RSPH6A: variants seen among roughly 807,000 people sequenced by gnomAD.
RSPH6A encodes radial spoke head protein 6 homolog A.
RSPH6A carries 49 observed loss-of-function variants against 66.1 expected under a neutral mutation model. That is an observed-to-expected ratio of 0.74 (90% CI 0.59 to 0.94). The LOEUF is 0.94. Among genes scored for constraint, RSPH6A ranks in the 40% least tolerant of loss-of-function variants. The probability of loss-of-function intolerance (pLI) is 0.00; values close to 1 mark genes in which losing one functional copy is unlikely to be tolerated. For missense variants in RSPH6A, 977 were observed against 948.3 expected, an observed-to-expected ratio of 1.03 and a Z score of -0.40; for synonymous variants, 419 against 402.4, an observed-to-expected ratio of 1.04 and a Z score of -0.49.
rs778674554 is a variant in RSPH6A, at chr19:45,814,665, G to A, written c.512C>T (p.Pro171Leu). Residue 171 changes from proline (P) to leucine (L), a missense_variant, in exon 1 of 6, where the codon CCT becomes CTT. Pro to Leu is a moderately conservative substitution (Grantham distance 98). Coordinates refer to ENST00000221538, the MANE Select transcript of RSPH6A (RefSeq NM_030785.4). ...AQHGPYIRDD[P>L]ALQFLPSELG... ...CTCAGAGGGCAAGAACTGAAGGGCA[G>A]GGTCATCCCTTATGTAAGGCCCGTG... 1.9e-5 allele frequency: 30 copies of A among 1,611,200 alleles called. No homozygotes were observed. The highest frequency in any genetic ancestry group is 2.4e-5 in the Non-Finnish European group (28 of 1,178,492).
Position 45,802,258 on chromosome 19 carries a change from A to G in RSPH6A, c.1660T>C (p.Cys554Arg), listed in dbSNP as rs1370135651. 11 of 1,419,670 alleles carry G rather than the reference A, an allele frequency of 7.7e-6. No homozygotes were observed. The highest frequency in any genetic ancestry group is 1.0e-5 in the Non-Finnish European group (11 of 1,070,848). The allele number at this position is 1,419,670 out of a possible 1,614,324, so 87.9% of individuals were successfully genotyped here. ...TTCTGCAAAGGGTTCACCCAAGTGC[A>G]GCGGCCCTGGGGGTGGGGGGAAGCT... Reference protein sequence around the residue: ...HTQHILPQGRCTWVNPLQKTE... With the variant: ...HTQHILPQGRRTWVNPLQKTE... Residue 554 changes from cysteine (C) to arginine (R), a missense_variant, in exon 4 of 6, where the codon TGC becomes CGC. Transcript: ENST00000221538.
intron 1 of RSPH6A, among the ~76,000 whole-genome samples, chr19:45,813,092 G>A (rs1451394481): frequency 6.6e-6 from 1 of 152,020 alleles, no homozygotes; most frequent in Non-Finnish European, 1.5e-5. Context: ...GGAGGGACAC[G>A]GCCAGCTTTG....
At chr19:45,805,690 T>TC (rs1970534985) in intron 2 of RSPH6A, among the ~76,000 whole-genome samples, 1 of 94,248 alleles carries the variant, frequency 1.1e-5, no homozygotes, top group South Asian at 3.6e-4. Flanking sequence ...AGACTCCCAC[T>TC]CAAAAAAAAA....
At chr19:45,803,346 C>T (rs556975419) in intron 3 of RSPH6A, among the ~76,000 whole-genome samples, 30 of 151,642 alleles carry the variant, frequency 2.0e-4, no homozygotes, top group Non-Finnish European at 3.5e-4. Context: ...CATCACTGCA[C>T]GCCAGCCTGG....
chr19:45,805,315 T>G (rs952181996), intron 2 of RSPH6A, among the ~76,000 whole-genome samples: 11 of 152,056 alleles, frequency 7.2e-5, no homozygotes, highest in African/African-American at 2.7e-4. Context: ...GAGAATCACT[T>G]GAACCGGGGA....
At chr19:45,797,938 G>A (rs1159559669) in intron 5 of RSPH6A, among the ~76,000 whole-genome samples, 1 of 152,116 alleles carries the variant, frequency 6.6e-6, no homozygotes, top group Non-Finnish European at 1.5e-5. Flanking sequence ...GAACAAGGAG[G>A]TAAGTGCCCA....
intron 5 of RSPH6A, among the ~76,000 whole-genome samples, chr19:45,799,767 C>A (rs1970447180): frequency 6.6e-6 from 1 of 152,108 alleles, no homozygotes; most frequent in Admixed American, 6.5e-5. Context: ...GAAGAACAGG[C>A]CGGGTGCGGT....
intron 2 of RSPH6A, 60 bp from the exon 3 acceptor site, chr19:45,805,076 C>G: frequency 7.0e-7 from 1 of 1,428,538 alleles, no homozygotes; most frequent in South Asian, 1.3e-5. Context: ...CCCTAGCCTA[C>G]CTCTTCCAGA....
chr19:45,805,152 T>G (rs1970527842), intron 2 of RSPH6A, 136 bp from the exon 3 acceptor site: 2 of 701,202 alleles, frequency 2.9e-6, no homozygotes, highest in African/African-American at 1.8e-5. Flanking sequence ...ATCCCAGCAC[T>G]TTGAAAGGCC....
intron 5 of RSPH6A, among the ~76,000 whole-genome samples, chr19:45,796,320 AT>A (rs1418992921): frequency 1.3e-5 from 2 of 151,328 alleles, no homozygotes; most frequent in African/African-American, 2.4e-5. Context: ...CGCCCAGCTA[AT>A]TTTTGTATTT....
In RSPH6A at chr19:45,804,139, C is replaced by T. The variant is rs551647906; in HGVS notation, c.1653+113G>A. On this transcript the variant is annotated intron_variant, in intron 3 of 5. Coordinates refer to ENST00000221538, the MANE Select transcript of RSPH6A (RefSeq NM_030785.4). The surrounding 1 kb of genome is among the most constrained non-coding windows in gnomAD (Gnocchi z 5.8). ...ACCAATGAATGGATGGATGAATGAACGAATGAATATTAGTTGCCCAGCAGA... is the reference window on the plus strand; with the variant it reads ...ACCAATGAATGGATGGATGAATGAATGAATGAATATTAGTTGCCCAGCAGA... 25 of 805,340 alleles carry T rather than the reference C, an allele frequency of 3.1e-5. No individual in the cohort carries two copies. Among genetic ancestry groups the T allele is most frequent in the Admixed American group, 2.8e-5 (1 of 35,472 alleles). The allele number at this position is 805,340 out of a possible 1,614,324, so 49.9% of individuals were successfully genotyped here.
chr19:45,802,278 G>A lies in RSPH6A; in HGVS notation c.1654-14C>T. 1 of 1,359,460 alleles carries A rather than the reference G, an allele frequency of 7.4e-7. No homozygotes were observed. The allele number at this position is 1,359,460 out of a possible 1,614,324, so 84.2% of individuals were successfully genotyped here. ...AGTGCAGCGGCCCTGGGGGTGGGGG[G>A]AAGCTCAGGTGATGGCCCCAGTGCA... On this transcript the variant is annotated splice_polypyrimidine_tract_variant and intron_variant, in intron 3 of 5. Coordinates refer to ENST00000221538, the MANE Select transcript of RSPH6A (RefSeq NM_030785.4).
At chr19:45,805,106 G>T in intron 2 of RSPH6A, 90 bp from the exon 3 acceptor site, 6 of 1,156,814 alleles carry the variant, frequency 5.2e-6, no homozygotes, top group Non-Finnish European at 7.3e-6. Flanking sequence ...AGTCAAGAGA[G>T]CTAAAAGAGG....
chr19:45,812,579 C>T (rs570110314), intron 1 of RSPH6A, among the ~76,000 whole-genome samples: 3 of 152,208 alleles, frequency 2.0e-5, no homozygotes, highest in African/African-American at 4.8e-5. Context: ...GAAGAGCTGG[C>T]ACTTGGGGAA....
intron 2 of RSPH6A, among the ~76,000 whole-genome samples, chr19:45,809,530 G>C (rs1175040292): frequency 6.6e-6 from 1 of 151,710 alleles, no homozygotes; most frequent in African/African-American, 2.4e-5. Context: ...TTGATCTCCT[G>C]ACCTCGTGAA....
At chr19:45,809,003 CTTT>C in intron 2 of RSPH6A, among the ~76,000 whole-genome samples, 1 of 120,130 alleles carries the variant, frequency 8.3e-6, no homozygotes. Flanking sequence ...TTGTTTTTTG[CTTT>C]TTTTTTTTTT....
chr19:45,800,526 G>A lies in RSPH6A; in HGVS notation c.1836C>T (p.Ser612=), dbSNP rs769605853. Residue 612 remains serine, a synonymous_variant, in exon 5 of 6, where the codon TCC becomes TCT. Transcript: ENST00000221538. The part of the protein sequence containing the change: ...MHLAPWTTRL[S]CSLCPQYSVA... The stretch of plus-strand genomic sequence containing the variant: ...CTGAGTACTGCGGGCAGAGGCTGCA[G>A]GACAGGCGGGTGGTCCAGGGTGCCA... 2 of 1,613,218 alleles carry A rather than the reference G, an allele frequency of 1.2e-6. No homozygotes were observed. Among genetic ancestry groups the A allele is most frequent in the African/African-American group, 2.7e-5 (2 of 74,910 alleles).
At position 45,815,216 on chromosome 19, in the gene RSPH6A, C is replaced by CA; in HGVS notation, c.-41dup. 6.6e-7 allele frequency: 1 copy of CA among 1,519,876 alleles called. No individual in the cohort carries two copies. The highest frequency in any genetic ancestry group is 2.1e-5 in the Admixed American group (1 of 46,898). The allele number at this position is 1,519,876 out of a possible 1,614,324, so 94.1% of individuals were successfully genotyped here. ...CACAGATCTCTAGGAGAAAGGCTTG[C>CA]AGACAAGGAGGCCAAGCGAGAGCCA... On this transcript the variant is annotated 5_prime_UTR_variant, in exon 1 of 6. Transcript: ENST00000221538.
intron 4 of RSPH6A, among the ~76,000 whole-genome samples, chr19:45,801,104 A>C (rs557703460): frequency 1.3e-5 from 2 of 151,372 alleles, no homozygotes; most frequent in African/African-American, 4.9e-5. Context: ...GGCCTGGACC[A>C]CTCTTTCTCT....
Sources: allele counts gnomAD v4.1 joint callset (sites outside exome capture counted in the v4.1 genomes callset), GRCh38; gene constraint gnomAD v4.1.1; non-coding constraint Gnocchi (gnomAD v3.1); transcripts MANE v1.5; gene names NCBI Gene and HGNC (gene_info 2026-07-23, HGNC 2026-07-21).